TAB2: variants seen among roughly 807,000 people sequenced by gnomAD.
The protein encoded by TAB2 is TGF-beta activated kinase 1 (MAP3K7) binding protein 2.
A neutral mutation model predicts 65.0 loss-of-function variants in TAB2; 3 were observed. That is an observed-to-expected ratio of 0.05 (90% CI 0.02 to 0.12). TAB2 has a LOEUF of 0.12. TAB2 is among the 10% of genes least tolerant of loss of function. The pLI is 1.00. For synonymous variants in TAB2, 298 were observed against 285.1 expected (o/e 1.05, Z -0.46); for missense variants, 623 against 840.3 (o/e 0.74, Z 3.20).
At chr6:149,407,500 G>C (rs1474696296) in intron 6 of TAB2, among the ~76,000 whole-genome samples, 3 of 152,052 alleles carry the variant, frequency 2.0e-5, no homozygotes, top group African/African-American at 7.2e-5. Context: ...AATAAGAAAG[G>C]TCCAATAAAA....
At position 149,378,163 on chromosome 6, in the gene TAB2, A is replaced by AATC; in HGVS notation, c.250_252dup (p.Ser84dup). 6.2e-7 allele frequency: 1 copy of AATC among 1,614,176 alleles called. No homozygotes were observed. Among genetic ancestry groups the AATC allele is most frequent in the Non-Finnish European group, 8.5e-7 (1 of 1,180,038 alleles). On this transcript the variant is annotated inframe_insertion, in exon 3 of 7. Coordinates refer to ENST00000637181, the MANE Select transcript of TAB2 (RefSeq NM_001292034.3). ...ATGACTTCTCTCAACTTGGACTTGC[A>AATC]ATCACAGAACATTTACCACCATGGA...
At chr6:149,383,646 G>A (rs1159902265) in intron 3 of TAB2, among the ~76,000 whole-genome samples, 1 of 152,114 alleles carries the variant, frequency 6.6e-6, no homozygotes, top group African/African-American at 2.4e-5. Flanking sequence ...GCAGTAGCAC[G>A]ATCTCAGCTC....
Position 149,242,438 on chromosome 6 carries a change from T to G in TAB2, c.-121+23662T>G, listed in dbSNP as rs187809380. 6.1e-3 allele frequency among the ~76,000 whole-genome samples: 930 copies of G among 152,268 alleles called. 5 individuals are homozygous for G. Among genetic ancestry groups the G allele is most frequent in the Non-Finnish European group, 0.011 (726 of 68,018 alleles). ...AATAAACCTATTTTTTTCCTGTGAA[T>G]TGTTAGTAGGTGTTATTATAGAGTT... On this transcript the variant is annotated intron_variant, in intron 1 of 1. Coordinates refer to the TAB2 transcript ENST00000606202.
intron 1 of TAB2, among the ~76,000 whole-genome samples, chr6:149,354,321 A>G (rs1205255209): frequency 6.6e-6 from 1 of 152,222 alleles, no homozygotes; most frequent in African/African-American, 2.4e-5. Context: ...ACTTTTGATT[A>G]AATATACTTA....
chr6:149,222,379 A>G (rs534566575), intron 1 of TAB2, among the ~76,000 whole-genome samples: 1 of 152,224 alleles, frequency 6.6e-6, no homozygotes, highest in East Asian at 1.9e-4. Flanking sequence ...ACACTTTGGG[A>G]GGCCAAGGCA....
upstream of TAB2, among the ~76,000 whole-genome samples, chr6:149,218,344 A>G (rs1777065654): frequency 6.6e-6 from 1 of 152,238 alleles, no homozygotes; most frequent in Admixed American, 6.5e-5. Context: ...TTATTCAGGG[A>G]AAAGGATTAA....
At chr6:149,232,986 C>CA (rs1225031962) in intron 1 of TAB2, among the ~76,000 whole-genome samples, 1 of 152,176 alleles carries the variant, frequency 6.6e-6, no homozygotes, top group Non-Finnish European at 1.5e-5. Context: ...GACATCCTGG[C>CA]CAGGAGTACC....
chr6:149,344,466 T>C (rs1780230958), intron 1 of TAB2, among the ~76,000 whole-genome samples: 2 of 152,154 alleles, frequency 1.3e-5, no homozygotes, highest in Admixed American at 6.5e-5. Flanking sequence ...TAGAATTCTT[T>C]AGAGAAAGCA....
intron 1 of TAB2, among the ~76,000 whole-genome samples, chr6:149,301,151 G>A (rs1341130144): frequency 6.6e-6 from 1 of 152,196 alleles, no homozygotes; most frequent in Non-Finnish European, 1.5e-5. Flanking sequence ...CTCTTGGCAG[G>A]GTGGTCAGCA....
intron 1 of TAB2, among the ~76,000 whole-genome samples, chr6:149,265,395 GA>G (rs1345487660): frequency 6.6e-6 from 1 of 152,194 alleles, no homozygotes; most frequent in African/African-American, 2.4e-5. Context: ...CACTGTTAAT[GA>G]GACTGCTTCT....
chr6:149,374,251 C>T (rs554362683), intron 2 of TAB2, among the ~76,000 whole-genome samples: 1 of 152,310 alleles, frequency 6.6e-6, no homozygotes, highest in South Asian at 2.1e-4. Context: ...CTGGGTCTCG[C>T]TCTCACCCAG....
At chr6:149,337,169 A>G (rs1779959363) in intron 1 of TAB2, among the ~76,000 whole-genome samples, 1 of 152,206 alleles carries the variant, frequency 6.6e-6, no homozygotes, top group Non-Finnish European at 1.5e-5. Flanking sequence ...ATTATTACTA[A>G]AGAAGCATAT....
At chr6:149,320,190 C>T (rs1221830084) in intron 1 of TAB2, among the ~76,000 whole-genome samples, 1 of 152,180 alleles carries the variant, frequency 6.6e-6, no homozygotes, top group Non-Finnish European at 1.5e-5. Flanking sequence ...GATTCTCCCG[C>T]CTCAGCCTTC....
intron 1 of TAB2, among the ~76,000 whole-genome samples, chr6:149,363,214 A>G (rs979079504): frequency 2.6e-5 from 4 of 151,704 alleles, no homozygotes; most frequent in East Asian, 1.9e-4. Context: ...AGTATGGTGT[A>G]TATATATATA....
intron 1 of TAB2, among the ~76,000 whole-genome samples, chr6:149,239,011 G>A (rs375639515): frequency 1.3e-5 from 2 of 152,202 alleles, no homozygotes; most frequent in East Asian, 3.8e-4. Context: ...GAAGACAGCG[G>A]CAGTGGAAAT....
intron 2 of TAB2, among the ~76,000 whole-genome samples, chr6:149,375,798 A>C (rs1781378537): frequency 6.6e-6 from 1 of 152,200 alleles, no homozygotes; most frequent in South Asian, 2.1e-4. Flanking sequence ...CTTTATTTGA[A>C]AAATTAGTAT....
Position 149,411,225 on chromosome 6 carries a change from A to G in TAB2, c.*1506A>G, listed in dbSNP as rs1206604952. ...GGGAAGTGCTGAAATAGAGCAAAGG[A>G]TGGAAGATAATATAGACTACCACCC... On this transcript the variant is annotated 3_prime_UTR_variant, in exon 7 of 7. Transcript: ENST00000637181. 2.0e-5 allele frequency: 3 copies of G among 152,546 alleles called. No individual in the cohort carries two copies. Among genetic ancestry groups the G allele is most frequent in the Admixed American group, 6.5e-5 (1 of 15,278 alleles). The allele number at this position is 152,546 out of a possible 1,614,324, so 9.4% of individuals were successfully genotyped here.
intron 1 of TAB2, among the ~76,000 whole-genome samples, chr6:149,319,624 T>C (rs1442788975): frequency 6.6e-6 from 1 of 152,244 alleles, no homozygotes; most frequent in African/African-American, 2.4e-5. Context: ...AGAACTTCTG[T>C]TTGGGTTTTT....
intron 1 of TAB2, among the ~76,000 whole-genome samples, chr6:149,224,210 G>A (rs936755847): frequency 6.6e-6 from 1 of 152,156 alleles, no homozygotes; most frequent in Non-Finnish European, 1.5e-5. Flanking sequence ...GATAATGAAC[G>A]AAATGTAATC....
Sources: allele counts gnomAD v4.1 joint callset (sites outside exome capture counted in the v4.1 genomes callset), GRCh38; gene constraint gnomAD v4.1.1; transcripts MANE v1.5; gene names NCBI Gene and HGNC (gene_info 2026-07-23, HGNC 2026-07-21).